ZNF346: variants seen among roughly 807,000 people sequenced by gnomAD.
ZNF346 encodes zinc finger protein 346.
A neutral mutation model predicts 33.7 loss-of-function variants in ZNF346; 23 were observed. That is an observed-to-expected ratio of 0.68 (90% confidence interval 0.49 to 0.97). ZNF346 has a LOEUF of 0.97. Ranked by LOEUF, ZNF346 falls within the 50% of genes least tolerant of loss-of-function variation. The pLI, the probability that ZNF346 is intolerant of heterozygous loss-of-function variation, is 0.00. For missense variants in ZNF346, 340 were observed against 371.1 expected (o/e 0.92, Z 0.69); for synonymous variants, 134 against 142.4 (o/e 0.94, Z 0.42).
chr5:177,036,407 C>A (rs1778518091), intron 1 of ZNF346, among the ~76,000 whole-genome samples: 1 of 152,152 alleles, frequency 6.6e-6, no homozygotes, highest in Admixed American at 6.5e-5. Flanking sequence ...TCAACAAGAT[C>A]TTGTTCTAAA....
At chr5:177,031,118 C>A (rs1015130340) in intron 1 of ZNF346, among the ~76,000 whole-genome samples, 8 of 152,106 alleles carry the variant, frequency 5.3e-5, no homozygotes, top group Non-Finnish European at 1.2e-4. Flanking sequence ...TCACTGCATG[C>A]TCCGCCTCCT....
intron 4 of ZNF346, among the ~76,000 whole-genome samples, chr5:177,050,161 A>G (rs1780659557): frequency 6.6e-6 from 1 of 152,108 alleles, no homozygotes; most frequent in South Asian, 2.1e-4. Context: ...TTTTCTCTCT[A>G]CTCAGCCTAT....
At chr5:177,041,914 C>A in intron 3 of ZNF346, 44 bp downstream of exon 3, 2 of 1,355,388 alleles carry the variant, frequency 1.5e-6, no homozygotes, top group Non-Finnish European at 2.1e-6. Context: ...CATGATGAAG[C>A]CAGCCAGCAG....
chr5:177,035,655 T>G (rs1231163199), intron 1 of ZNF346, among the ~76,000 whole-genome samples: 2 of 101,034 alleles, frequency 2.0e-5, no homozygotes, highest in East Asian at 2.7e-4. Context: ...TTTTTTTTTT[T>G]GAGACAGTTT....
At chr5:177,040,041 C>T (rs1213987660) in intron 1 of ZNF346, among the ~76,000 whole-genome samples, 1 of 151,794 alleles carries the variant, frequency 6.6e-6, no homozygotes, top group Non-Finnish European at 1.5e-5. Flanking sequence ...ATTAGTTGGG[C>T]GTGGTGGTGG....
At chr5:177,038,353 TC>T (rs1295593494) in intron 1 of ZNF346, among the ~76,000 whole-genome samples, 1 of 149,578 alleles carries the variant, frequency 6.7e-6, no homozygotes, top group African/African-American at 2.5e-5. Context: ...GCTGAAGCAA[TC>T]CTCTTGCCTC....
downstream of ZNF346, among the ~76,000 whole-genome samples, chr5:177,068,176 G>T (rs1408938655): frequency 7.0e-6 from 1 of 143,056 alleles, no homozygotes; most frequent in Non-Finnish European, 1.5e-5. Context: ...AGGGTGAGCA[G>T]CCACTCAGGG....
At chr5:177,034,346 A>T (rs116786869) in intron 1 of ZNF346, among the ~76,000 whole-genome samples, 2 of 151,462 alleles carry the variant, frequency 1.3e-5, no homozygotes, top group East Asian at 3.9e-4. Flanking sequence ...ACCTCAGCCT[A>T]CCAAGTAGCT....
At chr5:177,047,499 C>T (rs1357784471) in intron 4 of ZNF346, among the ~76,000 whole-genome samples, 2 of 151,784 alleles carry the variant, frequency 1.3e-5, no homozygotes, top group Non-Finnish European at 2.9e-5. Flanking sequence ...CCACCATACC[C>T]GGCTAATGTT....
intron 1 of ZNF346, among the ~76,000 whole-genome samples, chr5:177,024,106 C>T (rs145187396): frequency 0.011 from 1,611 of 143,936 alleles, 10 homozygotes; most frequent in South Asian, 0.026. Flanking sequence ...AATATATACA[C>T]ACATAAATCT....
At chr5:177,054,689 G>A (rs768596357) in intron 5 of ZNF346, among the ~76,000 whole-genome samples, 5 of 151,972 alleles carry the variant, frequency 3.3e-5, no homozygotes, top group Non-Finnish European at 5.9e-5. Flanking sequence ...GTGAGCCCCC[G>A]TGCCTGGCCG....
chr5:177,058,584 T>A (rs2149692879), intron 5 of ZNF346, among the ~76,000 whole-genome samples: 1 of 152,352 alleles, frequency 6.6e-6, no homozygotes, highest in South Asian at 2.1e-4. Context: ...TATAAATAGA[T>A]ATGATTTTGA....
At chr5:177,035,462 A>ATT (rs750860460) in intron 1 of ZNF346, among the ~76,000 whole-genome samples, 7 of 142,932 alleles carry the variant, frequency 4.9e-5, no homozygotes, top group Admixed American at 7.0e-5. Context: ...AATTTTGACA[A>ATT]TTTTTTTTTT....
chr5:177,042,882 C>T (rs983008242), intron 3 of ZNF346, among the ~76,000 whole-genome samples: 1 of 152,288 alleles, frequency 6.6e-6, no homozygotes, highest in African/African-American at 2.4e-5. Context: ...AGGCACACAC[C>T]ACCACGCCTG....
chr5:177,071,999 A>G (rs1265563781), downstream of ZNF346, among the ~76,000 whole-genome samples: 2 of 152,186 alleles, frequency 1.3e-5, no homozygotes, highest in Admixed American at 1.3e-4. Context: ...TCTTCAGTGC[A>G]ATGACCCCAT....
At chr5:177,062,008 C>CA in intron 5 of ZNF346, 50 bp from the exon 6 acceptor site, 1 of 1,520,024 alleles carries the variant, frequency 6.6e-7, no homozygotes. Flanking sequence ...CAACGGTCTT[C>CA]AGGTTCCTTC....
chr5:177,061,923 G>A (rs1782596776), intron 5 of ZNF346, 135 bp from the exon 6 acceptor site: 3 of 704,434 alleles, frequency 4.3e-6, no homozygotes, highest in East Asian at 2.6e-5. Context: ...TGGCCTCTGG[G>A]TTCTCATCAG....
chr5:177,058,659 C>T (rs1260303113), intron 5 of ZNF346, among the ~76,000 whole-genome samples: 1 of 152,004 alleles, frequency 6.6e-6, no homozygotes, highest in East Asian at 1.9e-4. Flanking sequence ...GCTGATAAGC[C>T]CTTGATGTTA....
intron 5 of ZNF346, among the ~76,000 whole-genome samples, chr5:177,055,902 C>T (rs1781607473): frequency 6.6e-6 from 1 of 151,870 alleles, no homozygotes; most frequent in Admixed American, 6.6e-5. Flanking sequence ...AAGGAGAAAC[C>T]CCGTCTCTAT....
Sources: gnomAD v4.1 joint callset for allele counts (sites outside exome capture counted in the v4.1 genomes callset) on GRCh38, gnomAD v4.1.1 for gene constraint, MANE v1.5 for transcripts, NCBI Gene and HGNC (gene_info 2026-07-23, HGNC 2026-07-21) for gene names.